Variants in LGR5 observed in about 807,000 individuals in gnomAD.
The protein encoded by LGR5 is leucine-rich repeat-containing G protein-coupled receptor 5.
LGR5 carries 54 observed loss-of-function variants against 76.7 expected under a neutral mutation model. That is an observed-to-expected ratio of 0.70 (90% CI 0.57 to 0.88). The LOEUF is 0.88. LGR5 is among the 40% of genes least tolerant of loss of function. The pLI is 0.00. For missense variants in LGR5, 1,078 were observed against 1,073.3 expected, an observed-to-expected ratio of 1.00 and a Z score of -0.06; for synonymous variants, 406 against 421.9, an observed-to-expected ratio of 0.96 and a Z score of 0.46.
intron 16 of LGR5, 127 bp downstream of exon 16, chr12:71,580,550 G>C (rs1428696375): frequency 5.4e-6 from 5 of 927,576 alleles, no homozygotes; most frequent in Non-Finnish European, 3.2e-6. Flanking sequence ...AATCCCAACA[G>C]TTTGGGAGGC....
intron 12 of LGR5, 21 bp from the exon 13 acceptor site, chr12:71,572,829 T>C: frequency 6.2e-7 from 1 of 1,602,778 alleles, no homozygotes; most frequent in Non-Finnish European, 8.5e-7. Context: ...GAAATCAATC[T>C]TTGGAACCCT....
chr12:71,544,311 TTCTTC>T (rs1362250670), intron 4 of LGR5, among the ~76,000 whole-genome samples: 1 of 78,754 alleles, frequency 1.3e-5, no homozygotes, highest in African/African-American at 4.4e-5. Context: ...TTTTTTCTTC[TTCTTC>T]TTTTTTTTTT....
At chr12:71,448,565 C>T (rs1454891692) in intron 1 of LGR5, 1 of 152,126 alleles carries the variant, frequency 6.6e-6, no homozygotes, top group Non-Finnish European at 1.5e-5. Context: ...TAAATTTTCT[C>T]GTGAGGCACT....
In LGR5 at chr12:71,477,918, A is replaced by G. The variant is rs199948679; in HGVS notation, c.213-26696A>G. ...TGGTGGATACAACTCCTTGCCTCTG[A>G]GGCTCCTTTAGCGTAATCATCAATA... On this transcript the variant is annotated intron_variant, in intron 1 of 17. Transcript: ENST00000266674. 3.3e-5 allele frequency among the ~76,000 whole-genome samples: 5 copies of G among 152,314 alleles called. No homozygotes were observed. In the South Asian group the frequency reaches 1.0e-3, roughly 32 times the overall value.
At chr12:71,452,495 G>A (rs955810058) in intron 1 of LGR5, among the ~76,000 whole-genome samples, 5 of 152,156 alleles carry the variant, frequency 3.3e-5, no homozygotes, top group East Asian at 1.9e-4. Flanking sequence ...AATGTGCAAC[G>A]GAGTGAGACT....
intron 2 of LGR5, among the ~76,000 whole-genome samples, chr12:71,521,154 G>T (rs1052789012): frequency 6.6e-6 from 1 of 152,230 alleles, no homozygotes; most frequent in African/African-American, 2.4e-5. Flanking sequence ...ATAAAGCAGA[G>T]AGACAGAGAA....
intron 2 of LGR5, among the ~76,000 whole-genome samples, chr12:71,505,026 A>G (rs1249213742): frequency 6.6e-6 from 1 of 152,244 alleles, no homozygotes; most frequent in Admixed American, 6.5e-5. Context: ...ATACTGGTTC[A>G]TGTTTATTAA....
upstream of LGR5, chr12:71,439,763 G>A (rs559853725): frequency 9.6e-5 from 31 of 324,152 alleles, no homozygotes; most frequent in African/African-American, 6.7e-4. Context: ...TCGGGCTGGA[G>A]CGCTTTAAAA....
At chr12:71,560,236 A>G (rs1877987326) in intron 7 of LGR5, among the ~76,000 whole-genome samples, 1 of 152,228 alleles carries the variant, frequency 6.6e-6, no homozygotes, top group Non-Finnish European at 1.5e-5. Context: ...TATCAATAAT[A>G]TAAACAGTCT....
intron 4 of LGR5, among the ~76,000 whole-genome samples, chr12:71,544,837 ATG>A (rs1877072186): frequency 6.6e-6 from 1 of 152,190 alleles, no homozygotes; most frequent in Non-Finnish European, 1.5e-5. Context: ...ATAATCAAGA[ATG>A]CTTTTATTTC....
chr12:71,502,193 C>CA (rs1555170095), intron 1 of LGR5, among the ~76,000 whole-genome samples: 1 of 123,168 alleles, frequency 8.1e-6, no homozygotes, highest in Non-Finnish European at 1.7e-5. Context: ...AGGTACTTTC[C>CA]TTTTTTTTTT....
intron 1 of LGR5, among the ~76,000 whole-genome samples, chr12:71,464,663 T>C (rs1408973587): frequency 6.6e-6 from 1 of 152,112 alleles, no homozygotes; most frequent in African/African-American, 2.4e-5. Flanking sequence ...ATCGTAAGTC[T>C]ATATTAAGGA....
chr12:71,510,090 TC>T (rs1044654954), intron 2 of LGR5, among the ~76,000 whole-genome samples: 4 of 152,162 alleles, frequency 2.6e-5, no homozygotes, highest in African/African-American at 7.2e-5. Flanking sequence ...GAAACAATGA[TC>T]AAAGAACTTT....
intron 1 of LGR5, among the ~76,000 whole-genome samples, chr12:71,493,693 C>A (rs1354937362): frequency 1.3e-5 from 2 of 150,944 alleles, no homozygotes; most frequent in Non-Finnish European, 2.9e-5. Context: ...ACATCAGTTA[C>A]CACATAATTT....
chr12:71,443,787 A>G (rs1294445433), intron 1 of LGR5, among the ~76,000 whole-genome samples: 5 of 152,130 alleles, frequency 3.3e-5, no homozygotes, highest in Non-Finnish European at 7.4e-5. Context: ...ACTTTTCTTT[A>G]TTGGTCCAGA....
rs548204522 is a variant in LGR5, at chr12:71,505,453, G to A, written c.284+768G>A. On this transcript the variant is annotated intron_variant, in intron 2 of 17. Transcript: ENST00000266674. ...CCCCATCACAGCCCTAGTGTAGAAC[G>A]TTTGGCACCATCAGTTGAGTCAATC... is the stretch of plus-strand genomic sequence containing the variant. Among the ~76,000 whole-genome samples the A allele has an allele frequency of 1.4e-3, 213 of 152,110 alleles. No homozygotes were observed. In the Middle Eastern group the frequency reaches 0.017, roughly 12 times the overall value.
At chr12:71,518,663 C>T (rs1875566851) in intron 2 of LGR5, among the ~76,000 whole-genome samples, 2 of 152,098 alleles carry the variant, frequency 1.3e-5, no homozygotes, top group Non-Finnish European at 2.9e-5. Context: ...GAATATTATT[C>T]AGCCATAAAA....
chr12:71,562,960 G>A (rs573661057), intron 8 of LGR5, among the ~76,000 whole-genome samples: 1 of 152,298 alleles, frequency 6.6e-6, no homozygotes, highest in African/African-American at 2.4e-5. Flanking sequence ...GGCAAACTAA[G>A]AGTTTTAAAG....
intron 4 of LGR5, among the ~76,000 whole-genome samples, chr12:71,546,472 G>T (rs1036633458): frequency 6.6e-6 from 1 of 151,868 alleles, no homozygotes; most frequent in Non-Finnish European, 1.5e-5. Flanking sequence ...CTCTGTTCTC[G>T]CATCCATCCA....
Sources: gnomAD v4.1 joint callset for allele counts (sites outside exome capture counted in the v4.1 genomes callset) on GRCh38, gnomAD v4.1.1 for gene constraint, MANE v1.5 for transcripts, NCBI Gene and HGNC (gene_info 2026-07-23, HGNC 2026-07-21) for gene names.